The following IVD variants were observed in gnomAD, a reference collection of about 807,000 sequenced individuals.
The protein encoded by IVD is isovaleryl-CoA dehydrogenase, mitochondrial.
IVD carries 31 observed loss-of-function variants against 51.3 expected under a neutral mutation model. The ratio of observed to expected loss-of-function variants is 0.60; its 90% CI spans 0.45 to 0.81. The LOEUF is 0.81. Ranked by LOEUF, IVD falls within the 40% of genes least tolerant of loss-of-function variation. The probability of loss-of-function intolerance (pLI) is 0.00; values close to 1 mark genes in which losing one functional copy is unlikely to be tolerated. For synonymous variants in IVD, 205 were observed against 219.4 expected, an observed-to-expected ratio of 0.93 and a Z score of 0.58; for missense variants, 475 against 552.0, an observed-to-expected ratio of 0.86 and a Z score of 1.40.
Position 40,420,256 on chromosome 15 carries a change from C to G in IVD, c.*1993C>G, listed in dbSNP as rs1441803348. 1 of 987,468 alleles carries G rather than the reference C, an allele frequency of 1.0e-6. No homozygotes were observed. Among genetic ancestry groups the G allele is most frequent in the Non-Finnish European group, 1.2e-6 (1 of 830,204 alleles). The allele number at this position is 987,468 out of a possible 1,614,324, so 61.2% of individuals were successfully genotyped here. On this transcript the variant is annotated 3_prime_UTR_variant, in exon 12 of 12. Coordinates refer to ENST00000487418, the MANE Select transcript of IVD (RefSeq NM_002225.5). ...TGCACCGCCCTGCCACGGGCACCAT[C>G]CAGTCCTGGCCGTGTGACCACCCAC... is the stretch of plus-strand genomic sequence containing the variant.
In IVD at chr15:40,405,928, CCG is replaced by C. The variant is rs1057517379; in HGVS notation, c.102_103del (p.Val35GlyfsTer20). On this transcript the variant is annotated frameshift_variant, in exon 1 of 12. Transcript: ENST00000487418. LOFTEE classifies it high-confidence loss of function. ...TCCCAGCGGGCCCACTCGCTTTTGC[CCG>C]TGGACGATGCAATCAATGGGCTAAG... The C allele has an allele frequency of 3.1e-6, 5 of 1,613,024 alleles. No individual in the cohort carries two copies. Among genetic ancestry groups the C allele is most frequent in the Non-Finnish European group, 4.2e-6 (5 of 1,179,798 alleles).
intron 2 of IVD, 66 bp from the exon 3 acceptor site, chr15:40,407,873 C>G: frequency 6.4e-7 from 1 of 1,554,022 alleles, no homozygotes; most frequent in Non-Finnish European, 8.9e-7. Context: ...TCTCATTGTT[C>G]CAGCCACATG....
chr15:40,407,847 C>T lies in IVD; in HGVS notation c.235-92C>T. 5 of 1,470,568 alleles carry T rather than the reference C, an allele frequency of 3.4e-6. No homozygotes were observed. In the South Asian group the frequency reaches 5.7e-5, roughly 17 times the overall value. The allele number at this position is 1,470,568 out of a possible 1,614,324, so 91.1% of individuals were successfully genotyped here. A position where few individuals can be genotyped will look rare whatever the true frequency, so the allele number is the denominator to read the frequency against. The stretch of plus-strand genomic sequence containing the variant: ...GCCTCTCTAAGAATGCAGCCCCTCT[C>T]TCTGAAGTGTTTGGGTCTCATTGTT... On this transcript the variant is annotated intron_variant, in intron 2 of 11. Coordinates refer to ENST00000487418, the MANE Select transcript of IVD (RefSeq NM_002225.5).
Position 40,409,858 on chromosome 15 carries a change from A to G in IVD, c.287-770A>G, listed in dbSNP as rs1262288598. Reference sequence around the variant, plus strand: ...TTCTTTTTTTTTTTTTTTTTTTGAGACAGAATCTCACTCTGTCGCCCAGGC... The same window carrying G: ...TTCTTTTTTTTTTTTTTTTTTTGAGGCAGAATCTCACTCTGTCGCCCAGGC... On this transcript the variant is annotated intron_variant, in intron 3 of 11. Coordinates refer to ENST00000487418, the MANE Select transcript of IVD (RefSeq NM_002225.5). Among the ~76,000 whole-genome samples the G allele has an allele frequency of 3.2e-5, 4 of 125,724 alleles. No homozygotes were observed. The East Asian group carries it at 9.5e-4, about 30-fold the overall frequency. The allele number at this position is 125,724 out of a possible 152,430, so 82.5% of individuals were successfully genotyped here. A position where few individuals can be genotyped will look rare whatever the true frequency, so the allele number is the denominator to read the frequency against.
chr15:40,427,853 G>A (rs1020732801), downstream of IVD, among the ~76,000 whole-genome samples: 1 of 152,108 alleles, frequency 6.6e-6, no homozygotes, highest in African/African-American at 2.4e-5. Context: ...GCCCAGAGTG[G>A]AAGGGTGGGA....
At chr15:40,423,376 T>TA (rs1892476330), downstream of IVD, among the ~76,000 whole-genome samples, 2 of 152,384 alleles carry the variant, frequency 1.3e-5, no homozygotes, top group East Asian at 3.9e-4. Flanking sequence ...TTTGAATCTT[T>TA]AAGGGGCTTC....
chr15:40,418,844 C>G lies in IVD; in HGVS notation c.*581C>G. 1 of 909,204 alleles carries G rather than the reference C, an allele frequency of 1.1e-6. No individual in the cohort carries two copies. The allele number at this position is 909,204 out of a possible 1,614,324, so 56.3% of individuals were successfully genotyped here. A position where few individuals can be genotyped will look rare whatever the true frequency, so the allele number is the denominator to read the frequency against. ...TTTCTGGGGGAAAAAAATAATAAAC[C>G]TAGCCTAGCCAGGCGTGGTGGCTCA... On this transcript the variant is annotated 3_prime_UTR_variant, in exon 12 of 12. Transcript: ENST00000487418.
At chr15:40,409,998 G>A (rs374463190) in intron 3 of IVD, among the ~76,000 whole-genome samples, 17 of 152,054 alleles carry the variant, frequency 1.1e-4, no homozygotes, top group East Asian at 5.8e-4. Context: ...CACCATGCCC[G>A]GCTAATTTTT....
At chr15:40,422,779 T>TTTTTTTTTTTTTTTTTTTTTTTTTTG (rs1555406296), downstream of IVD, among the ~76,000 whole-genome samples, 3 of 141,092 alleles carry the variant, frequency 2.1e-5, no homozygotes, top group Middle Eastern at 3.8e-3. Context: ...TTTGTATTTT[T>TTTTTTTTTTTTTTTTTTTTTTTTTTG]AGTAGAGACG....
At chr15:40,428,175 C>A (rs1476741397), downstream of IVD, among the ~76,000 whole-genome samples, 2 of 148,586 alleles carry the variant, frequency 1.3e-5, no homozygotes, top group Non-Finnish European at 3.0e-5. Context: ...GAGTGAGACT[C>A]CGTGTCAAAA....
chr15:40,406,440 C>G, intron 1 of IVD: 2 of 866,012 alleles, frequency 2.3e-6, no homozygotes, highest in Non-Finnish European at 3.3e-6. Flanking sequence ...CCACAGTGAG[C>G]TCTCCTGTCG....
chr15:40,420,741 T>C lies in IVD; in HGVS notation c.*2478T>C. ...TTTAAAAAGATCAACACAATTTGACTTTCTCAAGGTCAAAACGAACTAGAA... is the reference window on the plus strand; with the variant it reads ...TTTAAAAAGATCAACACAATTTGACCTTCTCAAGGTCAAAACGAACTAGAA... On this transcript the variant is annotated 3_prime_UTR_variant, in exon 12 of 12. Coordinates refer to ENST00000487418, the MANE Select transcript of IVD (RefSeq NM_002225.5). The C allele has an allele frequency of 1.0e-6, 1 of 985,778 alleles. No homozygotes were observed. The allele number at this position is 985,778 out of a possible 1,614,324, so 61.1% of individuals were successfully genotyped here. A position where few individuals can be genotyped will look rare whatever the true frequency, so the allele number is the denominator to read the frequency against.
At chr15:40,425,267 G>C (rs1892601320), downstream of IVD, among the ~76,000 whole-genome samples, 1 of 152,112 alleles carries the variant, frequency 6.6e-6, no homozygotes, top group African/African-American at 2.4e-5. Flanking sequence ...AATGAAGACA[G>C]TATTCCAAGC....
At chr15:40,435,865 C>T (rs1329145896), downstream of IVD, 2 of 240,746 alleles carry the variant, frequency 8.3e-6, no homozygotes, top group South Asian at 3.0e-4. Flanking sequence ...CTCACCCCAG[C>T]CCCTTGCCAG....
intron 3 of IVD, among the ~76,000 whole-genome samples, chr15:40,410,207 C>T (rs1288794162): frequency 6.6e-6 from 1 of 152,208 alleles, no homozygotes; most frequent in Non-Finnish European, 1.5e-5. Flanking sequence ...GCAGACACAT[C>T]AGATCCTCTG....
chr15:40,416,105 T>C lies in IVD; in HGVS notation c.988T>C (p.Tyr330His). ...GATGCAGGGGAAGATGGCTGACATG[T>C]ACACCCGCCTCATGGCGTGTCGGCA... ...QLMQGKMADM[Y>H]TRLMACRQYV... Residue 330 changes from tyrosine (Y) to histidine (H), a missense_variant, in exon 10 of 12, where the codon TAC becomes CAC. Physicochemically the swap from Tyr to His is moderately conservative, Grantham distance 83. Coordinates refer to ENST00000487418, the MANE Select transcript of IVD (RefSeq NM_002225.5). 6.2e-7 allele frequency: 1 copy of C among 1,614,264 alleles called. No individual in the cohort carries two copies. The highest frequency in any genetic ancestry group is 1.1e-5 in the South Asian group (1 of 91,092).
intron 11 of IVD, among the ~76,000 whole-genome samples, chr15:40,417,779 G>T (rs893999997): frequency 3.3e-5 from 5 of 152,166 alleles, no homozygotes; most frequent in Admixed American, 3.3e-4. Context: ...AGTGATGCTG[G>T]CATGTCATAA....
chr15:40,425,573 A>T (rs1892626469), downstream of IVD, among the ~76,000 whole-genome samples: 1 of 150,772 alleles, frequency 6.6e-6, no homozygotes, highest in Non-Finnish European at 1.5e-5. Context: ...ACAGGGTCTC[A>T]CTCTGTTCAT....
chr15:40,410,454 G>A (rs1463149706), intron 3 of IVD, among the ~76,000 whole-genome samples, 174 bp from the exon 4 acceptor site: 2 of 152,232 alleles, frequency 1.3e-5, no homozygotes, highest in Non-Finnish European at 2.9e-5. Flanking sequence ...GGCAAAACCA[G>A]TCCACTGAGC....
Sources: gnomAD v4.1 joint callset for allele counts (sites outside exome capture counted in the v4.1 genomes callset) on GRCh38, gnomAD v4.1.1 for gene constraint, MANE v1.5 for transcripts, NCBI Gene and HGNC (gene_info 2026-07-23, HGNC 2026-07-21) for gene names.